ASAP1: variants seen among roughly 807,000 people sequenced by gnomAD.
ASAP1 encodes arf-GAP with SH3 domain, ANK repeat and PH domain-containing protein 1.
A neutral mutation model predicts 145.2 loss-of-function variants in ASAP1; 43 were observed. That is an observed-to-expected ratio of 0.30 (90% CI 0.23 to 0.38). The LOEUF is 0.38. ASAP1 is among the 10% of genes least tolerant of loss of function. The pLI is 1.00. For missense variants in ASAP1, 1,018 were observed against 1,355.3 expected (o/e 0.75, Z 3.91); for synonymous variants, 546 against 515.5 (o/e 1.06, Z -0.80).
At chr8:130,423,642 T>C (rs535651720) in intron 1 of ASAP1, among the ~76,000 whole-genome samples, 22 of 152,234 alleles carry the variant, frequency 1.4e-4, no homozygotes, top group Non-Finnish European at 2.8e-4. Context: ...AGTCCCTATA[T>C]ATTATATGAA....
At chr8:130,350,523 G>A (rs1199813200) in intron 3 of ASAP1, among the ~76,000 whole-genome samples, 4 of 152,198 alleles carry the variant, frequency 2.6e-5, no homozygotes, top group Admixed American at 6.5e-5. Context: ...GGCAATCCAA[G>A]CATCTGATCA....
chr8:130,297,494 T>G (rs1822357713), intron 3 of ASAP1, among the ~76,000 whole-genome samples: 1 of 152,268 alleles, frequency 6.6e-6, no homozygotes, highest in African/African-American at 2.4e-5. Flanking sequence ...AGGCCTTGCA[T>G]GCCCAGTGGC....
intron 9 of ASAP1, among the ~76,000 whole-genome samples, chr8:130,173,311 C>T (rs898542114): frequency 6.6e-6 from 1 of 152,202 alleles, no homozygotes; most frequent in African/African-American, 2.4e-5. Flanking sequence ...TCTGCACTGT[C>T]CCTCTGAGCT....
At chr8:130,085,433 G>C (rs566586298) in intron 25 of ASAP1, among the ~76,000 whole-genome samples, 1 of 152,218 alleles carries the variant, frequency 6.6e-6, no homozygotes, top group African/African-American at 2.4e-5. Flanking sequence ...TTATAAAGTA[G>C]GTTATTAAAG....
chr8:130,209,875 A>G (rs951231504), intron 5 of ASAP1, among the ~76,000 whole-genome samples: 1 of 152,184 alleles, frequency 6.6e-6, no homozygotes, highest in Non-Finnish European at 1.5e-5. Flanking sequence ...AAAATGAATG[A>G]AGTGAGCTTA....
intron 3 of ASAP1, among the ~76,000 whole-genome samples, chr8:130,283,997 A>C (rs1183736251): frequency 6.6e-6 from 1 of 152,196 alleles, no homozygotes; most frequent in Non-Finnish European, 1.5e-5. Flanking sequence ...TGTATCCACA[A>C]AAACCTTGTG....
intron 4 of ASAP1, among the ~76,000 whole-genome samples, chr8:130,227,028 A>G (rs1817623185): frequency 6.6e-6 from 1 of 152,222 alleles, no homozygotes; most frequent in Non-Finnish European, 1.5e-5. Context: ...TTTAACTACT[A>G]ATTCACAAAC....
intron 2 of ASAP1, among the ~76,000 whole-genome samples, chr8:130,396,247 C>T (rs1828524918): frequency 1.3e-5 from 2 of 152,180 alleles, no homozygotes; most frequent in African/African-American, 2.4e-5. Context: ...AGAATGAATA[C>T]GTTTTCTAAA....
intron 2 of ASAP1, among the ~76,000 whole-genome samples, chr8:130,377,002 A>G (rs1361124538): frequency 6.6e-6 from 1 of 152,038 alleles, no homozygotes; most frequent in East Asian, 1.9e-4. Context: ...AGAACCACAG[A>G]AAAGAATCAG....
chr8:130,299,841 A>G (rs1370857642), intron 3 of ASAP1, among the ~76,000 whole-genome samples: 1 of 152,156 alleles, frequency 6.6e-6, no homozygotes, highest in Non-Finnish European at 1.5e-5. Flanking sequence ...GATCAGAAAT[A>G]ATGTGCTTCA....
intron 1 of ASAP1, among the ~76,000 whole-genome samples, chr8:130,435,469 G>C (rs1484105780): frequency 6.6e-6 from 1 of 152,224 alleles, no homozygotes; most frequent in African/African-American, 2.4e-5. Flanking sequence ...GCAGGTGAAT[G>C]CACAGGACGC....
chr8:130,183,570 G>A (rs924288737), intron 7 of ASAP1, among the ~76,000 whole-genome samples: 2 of 152,128 alleles, frequency 1.3e-5, no homozygotes, highest in Non-Finnish European at 1.5e-5. Context: ...TCAAACTTTC[G>A]ACCTCAAGCG....
At chr8:130,065,471 A>G (rs911523371) in intron 27 of ASAP1, among the ~76,000 whole-genome samples, 27 of 152,102 alleles carry the variant, frequency 1.8e-4, no homozygotes, top group African/African-American at 6.3e-4. Flanking sequence ...ACAAGATGGG[A>G]AAAGATTAGA....
chr8:130,119,705 A>C (rs1395810343), intron 18 of ASAP1, among the ~76,000 whole-genome samples: 1 of 152,214 alleles, frequency 6.6e-6, no homozygotes, highest in Non-Finnish European at 1.5e-5. Flanking sequence ...TGAGCTAATT[A>C]ATAAAGACAG....
intron 17 of ASAP1, 128 bp downstream of exon 17, chr8:130,125,828 G>T: frequency 1.1e-6 from 1 of 948,892 alleles, no homozygotes; most frequent in Non-Finnish European, 1.5e-6. Flanking sequence ...AAACGTCTAC[G>T]CAAACTCACA....
intron 25 of ASAP1, among the ~76,000 whole-genome samples, chr8:130,090,468 CAT>C (rs1173830443): frequency 6.6e-6 from 1 of 152,214 alleles, no homozygotes; most frequent in African/African-American, 2.4e-5. Flanking sequence ...TCTTTATGTA[CAT>C]ATGTGCTAGC....
At chr8:130,141,514 T>G (rs1221013516) in intron 13 of ASAP1, among the ~76,000 whole-genome samples, 2 of 152,114 alleles carry the variant, frequency 1.3e-5, no homozygotes, top group African/African-American at 4.8e-5. Context: ...TCTTTCTGGC[T>G]CTTAACACTC....
intron 3 of ASAP1, among the ~76,000 whole-genome samples, chr8:130,295,994 G>GTCTA (rs1233467126): frequency 6.6e-6 from 1 of 152,230 alleles, no homozygotes; most frequent in East Asian, 1.9e-4. Flanking sequence ...TTAAAGGGAT[G>GTCTA]TCTAGATTCT....
intron 2 of ASAP1, among the ~76,000 whole-genome samples, chr8:130,380,119 C>A (rs1401975312): frequency 1.3e-5 from 2 of 152,158 alleles, no homozygotes; most frequent in Non-Finnish European, 2.9e-5. Flanking sequence ...CCCCAGAAGC[C>A]CAGCCTGGAA....
Sources: allele counts gnomAD v4.1 joint callset (sites outside exome capture counted in the v4.1 genomes callset), GRCh38; gene constraint gnomAD v4.1.1; transcripts MANE v1.5; gene names NCBI Gene and HGNC (gene_info 2026-07-23, HGNC 2026-07-21).